Variants in GAP43 observed in about 807,000 individuals in gnomAD.
GAP43 encodes the protein growth associated protein 43, also known as neuromodulin.
Under a neutral mutation model 18.6 loss-of-function variants are expected in GAP43, and 6 were observed. The ratio of observed to expected loss-of-function variants is 0.32; its 90% CI spans 0.18 to 0.64. The LOEUF is 0.64. Among genes scored for constraint, GAP43 ranks in the 30% least tolerant of loss-of-function variants. GAP43 has a pLI of 0.78. For synonymous variants in GAP43, 115 were observed against 111.4 expected (o/e 1.03, Z -0.20); for missense variants, 292 against 295.5 (o/e 0.99, Z 0.09).
chr3:115,693,542 A>G (rs930538754), intron 2 of GAP43, among the ~76,000 whole-genome samples: 1 of 152,124 alleles, frequency 6.6e-6, no homozygotes, highest in African/African-American at 2.4e-5. Flanking sequence ...ATTGATATTC[A>G]TTGCTGATTT....
intron 1 of GAP43, among the ~76,000 whole-genome samples, chr3:115,666,201 A>G (rs1392568043): frequency 6.6e-6 from 1 of 152,070 alleles, no homozygotes. Flanking sequence ...GTAGAGTGGG[A>G]CTGTGGTTTA....
intron 1 of GAP43, among the ~76,000 whole-genome samples, chr3:115,649,770 G>A (rs1281450852): frequency 7.1e-6 from 1 of 141,040 alleles, no homozygotes; most frequent in Non-Finnish European, 1.5e-5. Context: ...GAGGCCAGGA[G>A]TTCAAGACCA....
chr3:115,683,145 GCGCACACA>G lies in GAP43; in HGVS notation c.628+6537_628+6544del, dbSNP rs1559800433. On this transcript the variant is annotated intron_variant, in intron 2 of 2. Transcript: ENST00000305124. ...CATGTGCGCGCGCGTGCGCGCGCGC[GCGCACACA>G]CACACACACACACACACACACACAC... 1.7e-3 allele frequency among the ~76,000 whole-genome samples: 178 copies of G among 105,538 alleles called. 1 individual carries two copies. The Middle Eastern group carries it at 0.044, about 26-fold the overall frequency. The allele number at this position is 105,538 out of a possible 152,430, so 69.2% of individuals were successfully genotyped here.
intron 2 of GAP43, among the ~76,000 whole-genome samples, chr3:115,682,568 G>A (rs778479622): frequency 3.3e-5 from 5 of 152,058 alleles, no homozygotes; most frequent in East Asian, 1.9e-4. Flanking sequence ...ACAGAGTCTC[G>A]CTCTGTTGCT....
chr3:115,645,084 T>C (rs2107472235), intron 1 of GAP43, among the ~76,000 whole-genome samples: 1 of 152,140 alleles, frequency 6.6e-6, no homozygotes, highest in African/African-American at 2.4e-5. Context: ...GCTTTCATGG[T>C]ATCTCAAGAG....
At chr3:115,640,084 A>G (rs192855859) in intron 1 of GAP43, among the ~76,000 whole-genome samples, 26 of 152,202 alleles carry the variant, frequency 1.7e-4, no homozygotes, top group Admixed American at 7.2e-4. Context: ...CTTGGAAAAT[A>G]AACTTTGGAA....
chr3:115,716,717 A>AATATATATAT (rs3995850), intron 2 of GAP43, among the ~76,000 whole-genome samples: 5 of 43,936 alleles, frequency 1.1e-4, no homozygotes, highest in East Asian at 1.2e-3. Flanking sequence ...ATCTCAGACA[A>AATATATATAT]ATATATATAT....
At chr3:115,648,429 T>A (rs1342617078) in intron 1 of GAP43, among the ~76,000 whole-genome samples, 1 of 152,030 alleles carries the variant, frequency 6.6e-6, no homozygotes, top group Non-Finnish European at 1.5e-5. Flanking sequence ...GCCAGGAGAA[T>A]CCCCCTAACT....
rs185315949 is a variant in GAP43, at chr3:115,646,154, T to G, written c.30+22435T>G. Among the ~76,000 whole-genome samples the G allele has an allele frequency of 2.6e-5, 4 of 152,222 alleles. No homozygotes were observed. In the East Asian group the frequency reaches 7.8e-4, roughly 30 times the overall value. On this transcript the variant is annotated intron_variant, in intron 1 of 2. Transcript: ENST00000305124. ...TCACTGTCAGGATCCAGAAACTCAG[T>G]GCCAAGGGTAAGTCAGCCTTAGATA...
At chr3:115,682,903 G>A (rs1708974236) in intron 2 of GAP43, among the ~76,000 whole-genome samples, 1 of 152,052 alleles carries the variant, frequency 6.6e-6, no homozygotes, top group Non-Finnish European at 1.5e-5. Context: ...GGAGTCACAT[G>A]ACTCATATTG....
chr3:115,684,066 C>T (rs933337148), intron 2 of GAP43, among the ~76,000 whole-genome samples: 4 of 152,132 alleles, frequency 2.6e-5, no homozygotes, highest in Non-Finnish European at 5.9e-5. Flanking sequence ...CACCATTCTA[C>T]TTGGAAGGGA....
In GAP43 at chr3:115,661,831, CT is replaced by C. The variant is rs56209932; in HGVS notation, c.31-14168del. On this transcript the variant is annotated intron_variant, in intron 1 of 2. Coordinates refer to ENST00000305124, the MANE Select transcript of GAP43 (RefSeq NM_002045.4). ...AGTTTGGCTTGGGGAGAAACTAGGG[CT>C]TTTTTTTTTTTTTACCTGGGAGCTG... Among the ~76,000 whole-genome samples, 450 of 105,874 alleles carry C rather than the reference CT, an allele frequency of 4.3e-3. 17 individuals carry two copies. The highest frequency in any genetic ancestry group is 0.022 in the South Asian group (69 of 3,196). 69.5% of individuals were successfully genotyped at this position (105,874 alleles called of 152,430 possible).
intron 2 of GAP43, among the ~76,000 whole-genome samples, chr3:115,702,683 T>C (rs1709310626): frequency 6.6e-6 from 1 of 152,064 alleles, no homozygotes; most frequent in Non-Finnish European, 1.5e-5. Context: ...TGTGTTGTTT[T>C]GCAATCAGGG....
chr3:115,675,589 C>T (rs556508936), intron 1 of GAP43, among the ~76,000 whole-genome samples: 3 of 151,816 alleles, frequency 2.0e-5, no homozygotes, highest in South Asian at 2.1e-4. Flanking sequence ...GATGAAACCC[C>T]GTCTCTACAA....
chr3:115,658,251 T>A (rs80248290), intron 1 of GAP43, among the ~76,000 whole-genome samples: 14 of 150,836 alleles, frequency 9.3e-5, no homozygotes, highest in African/African-American at 3.4e-4. Context: ...ACTTTTTTGG[T>A]TTTTTTTTCC....
At chr3:115,691,458 T>G (rs1490839820) in intron 2 of GAP43, among the ~76,000 whole-genome samples, 1 of 152,202 alleles carries the variant, frequency 6.6e-6, no homozygotes, top group Non-Finnish European at 1.5e-5. Context: ...ATTGCTGAAC[T>G]TGGTGGTTGT....
chr3:115,661,944 A>T (rs1708666250), intron 1 of GAP43, among the ~76,000 whole-genome samples: 1 of 148,420 alleles, frequency 6.7e-6, no homozygotes, highest in Non-Finnish European at 1.5e-5. Context: ...AAAGCAATGC[A>T]TATTTTCTTA....
At chr3:115,720,156 C>T (rs1709558408) in intron 2 of GAP43, among the ~76,000 whole-genome samples, 1 of 152,116 alleles carries the variant, frequency 6.6e-6, no homozygotes, top group South Asian at 2.1e-4. Flanking sequence ...TTTTGCTCCA[C>T]CATCCTTAGT....
intron 1 of GAP43, 110 bp downstream of exon 1, chr3:115,623,829 G>A (rs1236499960): frequency 9.0e-6 from 10 of 1,111,906 alleles, no homozygotes; most frequent in Non-Finnish European, 1.4e-5. Flanking sequence ...CGTGGTGCTC[G>A]CGCTTCCTTA....
Sources: allele counts gnomAD v4.1 joint callset (sites outside exome capture counted in the v4.1 genomes callset), GRCh38; gene constraint gnomAD v4.1.1; transcripts MANE v1.5; gene names NCBI Gene and HGNC (gene_info 2026-07-23, HGNC 2026-07-21).